Variants in KCNMA1 observed in about 807,000 individuals in gnomAD.
KCNMA1 encodes potassium calcium-activated channel subfamily M alpha 1, also known as Calcium-activated potassium channel subunit alpha-1.
KCNMA1 carries 29 observed loss-of-function variants against 140.0 expected under a neutral mutation model. The observed-to-expected ratio is 0.21, with a 90% confidence interval of 0.15 to 0.28. The LOEUF is 0.28. Ranked by LOEUF, KCNMA1 falls within the 10% of genes least tolerant of loss-of-function variation. The pLI is 1.00. For missense variants in KCNMA1, 880 were observed against 1,602.2 expected (o/e 0.55, Z 7.70); for synonymous variants, 612 against 611.9 (o/e 1.00, Z 0.00).
At chr10:76,969,052 C>T (rs75207849) in intron 20 of KCNMA1, among the ~76,000 whole-genome samples, 284 of 152,180 alleles carry the variant, frequency 1.9e-3, no homozygotes, top group Non-Finnish European at 3.5e-3. Flanking sequence ...GAAATCACTC[C>T]TGTTTCATTT....
rs1310482488 is a variant in KCNMA1 at position 77,615,010 on chromosome 10, G to T, written c.378+22255C>A. Among the ~76,000 whole-genome samples, 3 of 152,228 alleles carry T rather than the reference G, an allele frequency of 2.0e-5. No homozygotes were observed. The East Asian group carries it at 5.8e-4, about 29-fold the overall frequency. On this transcript the variant is annotated intron_variant, in intron 1 of 27. Coordinates refer to ENST00000286628, the MANE Select transcript of KCNMA1 (RefSeq NM_001161352.2). ...CATGAAGGAACTTGGTGTACAGAAA[G>T]ATGTTTTGGGTGCCTCAGAACACAT...
chr10:77,532,033 C>A (rs1181738198), intron 1 of KCNMA1, among the ~76,000 whole-genome samples: 1 of 152,164 alleles, frequency 6.6e-6, no homozygotes, highest in Non-Finnish European at 1.5e-5. Flanking sequence ...ATGAATTCAA[C>A]AACAACAAAG....
intron 3 of KCNMA1, among the ~76,000 whole-genome samples, chr10:77,213,453 G>T (rs746406993): frequency 2.6e-5 from 4 of 152,178 alleles, no homozygotes; most frequent in African/African-American, 9.7e-5. Flanking sequence ...ACAGAAAGGA[G>T]CAGCAAGAGA....
chr10:77,021,490 T>C (rs913512003), intron 16 of KCNMA1, among the ~76,000 whole-genome samples: 11 of 152,220 alleles, frequency 7.2e-5, no homozygotes, highest in African/African-American at 1.7e-4. Context: ...CTGCTGCTAA[T>C]AAATGACCCA....
At chr10:77,144,937 T>C (rs2098259882) in intron 5 of KCNMA1, among the ~76,000 whole-genome samples, 1 of 152,150 alleles carries the variant, frequency 6.6e-6, no homozygotes, top group African/African-American at 2.4e-5. Flanking sequence ...AGACGAACTA[T>C]CCAGATTAAA....
intron 15 of KCNMA1, among the ~76,000 whole-genome samples, chr10:77,031,643 C>A (rs904040051): frequency 2.0e-5 from 3 of 152,210 alleles, no homozygotes; most frequent in Non-Finnish European, 4.4e-5. Flanking sequence ...GCCAATGTCA[C>A]AATCCTGGGC....
intron 3 of KCNMA1, among the ~76,000 whole-genome samples, chr10:77,230,746 G>A (rs1334399075): frequency 2.0e-5 from 3 of 152,070 alleles, no homozygotes; most frequent in Admixed American, 1.3e-4. Flanking sequence ...CTGCCTCTTT[G>A]GCTCAAAGCT....
intron 20 of KCNMA1, among the ~76,000 whole-genome samples, chr10:76,962,454 G>A (rs1269747239): frequency 6.6e-6 from 1 of 152,164 alleles, no homozygotes; most frequent in Non-Finnish European, 1.5e-5. Flanking sequence ...TGATTAAAAG[G>A]AGGTGAATTT....
At chr10:77,505,005 T>G (rs2045314091) in intron 1 of KCNMA1, among the ~76,000 whole-genome samples, 1 of 152,096 alleles carries the variant, frequency 6.6e-6, no homozygotes, top group Non-Finnish European at 1.5e-5. Context: ...CTCCTGAGAT[T>G]CCTTGGCCAT....
At chr10:77,582,401 TATC>T (rs1044923620) in intron 1 of KCNMA1, among the ~76,000 whole-genome samples, 2 of 152,196 alleles carry the variant, frequency 1.3e-5, no homozygotes, top group African/African-American at 4.8e-5. Context: ...TTAAAGTTGA[TATC>T]ATCATTTTCA....
At chr10:77,189,431 G>A (rs1299147414) in intron 3 of KCNMA1, among the ~76,000 whole-genome samples, 1 of 152,134 alleles carries the variant, frequency 6.6e-6, no homozygotes, top group East Asian at 1.9e-4. Flanking sequence ...CAATTGCAAT[G>A]CCACTGTGCA....
chr10:77,187,957 A>C (rs1396391599), intron 3 of KCNMA1, among the ~76,000 whole-genome samples: 1 of 152,136 alleles, frequency 6.6e-6, no homozygotes, highest in African/African-American at 2.4e-5. Flanking sequence ...ATGATCCTTT[A>C]AAAAAAGAAT....
intron 16 of KCNMA1, 63 bp downstream of exon 16, chr10:77,027,760 G>C: frequency 3.0e-6 from 4 of 1,311,480 alleles, no homozygotes; most frequent in Non-Finnish European, 4.4e-6. Flanking sequence ...TGAACCGACC[G>C]TTCTCAGAAC....
At chr10:77,401,185 G>A (rs2096252815) in intron 2 of KCNMA1, among the ~76,000 whole-genome samples, 1 of 146,944 alleles carries the variant, frequency 6.8e-6, no homozygotes, top group Non-Finnish European at 1.5e-5. Flanking sequence ...GTCTTGCTCT[G>A]TCACCCAGGC....
intron 16 of KCNMA1, 173 bp from the exon 17 acceptor site, chr10:77,019,272 T>C (rs2092554141): frequency 1.1e-5 from 7 of 615,668 alleles, no homozygotes; most frequent in South Asian, 9.4e-5. Context: ...TTTAGTTGGA[T>C]AATGCCATCA....
intron 2 of KCNMA1, among the ~76,000 whole-genome samples, chr10:77,271,556 A>C (rs116860715): frequency 0.022 from 3,288 of 152,330 alleles, 64 homozygotes; most frequent in South Asian, 0.031. Flanking sequence ...TCTACCACAA[A>C]GAGGTGTAAG....
intron 18 of KCNMA1, 109 bp from the exon 19 acceptor site, chr10:77,001,689 G>A (rs2086529084): frequency 2.3e-6 from 2 of 855,494 alleles, no homozygotes; most frequent in Non-Finnish European, 1.8e-6. Context: ...ACAGGTCTTA[G>A]TTCACTTTAA....
At chr10:77,277,749 C>T (rs2067080404) in intron 2 of KCNMA1, among the ~76,000 whole-genome samples, 2 of 152,178 alleles carry the variant, frequency 1.3e-5, no homozygotes, top group Non-Finnish European at 2.9e-5. Context: ...TGGTCTTTCA[C>T]CAGATTATTA....
At chr10:77,634,563 C>T in intron 1 of KCNMA1, 7 of 503,430 alleles carry the variant, frequency 1.4e-5, no homozygotes, top group Non-Finnish European at 1.6e-5. Context: ...ACCTGCTTTC[C>T]TCTGGACTCC....
Sources: gnomAD v4.1 joint callset for allele counts (sites outside exome capture counted in the v4.1 genomes callset) on GRCh38, gnomAD v4.1.1 for gene constraint, MANE v1.5 for transcripts, NCBI Gene and HGNC (gene_info 2026-07-23, HGNC 2026-07-21) for gene names.